FHIT: variants seen among roughly 807,000 people sequenced by gnomAD.
The protein encoded by FHIT is fragile histidine triad diadenosine triphosphatase, also known as bis(5'-adenosyl)-triphosphatase.
In FHIT, 19 loss-of-function variants were observed where a neutral mutation model predicts 17.9. The observed-to-expected ratio is 1.06, with a 90% CI of 0.74 to 1.56. The LOEUF is 1.56. FHIT is among the 40% of genes most tolerant of loss of function. FHIT has a pLI of 0.00. For synonymous variants in FHIT, 81 were observed against 69.7 expected, an observed-to-expected ratio of 1.16 and a Z score of -0.81; for missense variants, 248 against 189.2, an observed-to-expected ratio of 1.31 and a Z score of -1.82.
At chr3:61,111,701 C>G (rs1199326211) in intron 2 of FHIT, among the ~76,000 whole-genome samples, 1 of 152,156 alleles carries the variant, frequency 6.6e-6, no homozygotes, top group East Asian at 1.9e-4. Flanking sequence ...CCAGTTCAGC[C>G]TTGGTTGTCA....
At chr3:60,297,390 G>A (rs1708259835) in intron 5 of FHIT, among the ~76,000 whole-genome samples, 1 of 152,028 alleles carries the variant, frequency 6.6e-6, no homozygotes, top group Non-Finnish European at 1.5e-5. Flanking sequence ...ATTTTTGTGT[G>A]TGTGTAAAAG....
chr3:60,396,114 G>A (rs1299176598), intron 5 of FHIT, among the ~76,000 whole-genome samples: 2 of 152,110 alleles, frequency 1.3e-5, no homozygotes, highest in Non-Finnish European at 1.5e-5. Context: ...GACAGGTATT[G>A]TCACTCGCCA....
intron 5 of FHIT, among the ~76,000 whole-genome samples, chr3:60,097,942 C>G (rs983471959): frequency 2.7e-5 from 4 of 148,694 alleles, no homozygotes; most frequent in East Asian, 4.0e-4. Context: ...TCAATTCCCA[C>G]CTATGAGTGA....
chr3:60,743,227 G>A (rs1314907705), intron 4 of FHIT, among the ~76,000 whole-genome samples: 3 of 152,162 alleles, frequency 2.0e-5, no homozygotes, highest in Non-Finnish European at 4.4e-5. Context: ...CAGCTTCTAA[G>A]GTCATAATGC....
intron 5 of FHIT, among the ~76,000 whole-genome samples, chr3:60,277,434 G>T (rs533609309): frequency 2.1e-4 from 32 of 152,252 alleles, no homozygotes; most frequent in African/African-American, 7.7e-4. Context: ...CAGCAGTTGT[G>T]CCAATAAGAA....
At chr3:60,974,616 G>A (rs2107536807) in intron 3 of FHIT, among the ~76,000 whole-genome samples, 1 of 152,298 alleles carries the variant, frequency 6.6e-6, no homozygotes, top group East Asian at 1.9e-4. Flanking sequence ...CTGGAACCAA[G>A]AGTTCTTACT....
intron 2 of FHIT, among the ~76,000 whole-genome samples, chr3:61,143,895 G>C (rs2037156003): frequency 6.6e-6 from 1 of 152,052 alleles, no homozygotes; most frequent in East Asian, 1.9e-4. Context: ...CAAAACTGCA[G>C]ATCTGTTTTT....
chr3:60,464,641 C>G (rs930896181), intron 5 of FHIT, among the ~76,000 whole-genome samples: 1 of 152,132 alleles, frequency 6.6e-6, no homozygotes, highest in Non-Finnish European at 1.5e-5. Flanking sequence ...GCTTATTTCA[C>G]TTAACACAAT....
chr3:60,715,166 C>G (rs537511859), intron 4 of FHIT, among the ~76,000 whole-genome samples: 85 of 151,886 alleles, frequency 5.6e-4, no homozygotes, highest in African/African-American at 1.9e-3. Context: ...ACAAACCTGA[C>G]AAAAACAAGC....
At chr3:60,506,059 T>C (rs764638350) in intron 5 of FHIT, among the ~76,000 whole-genome samples, 18 of 152,202 alleles carry the variant, frequency 1.2e-4, no homozygotes, top group Non-Finnish European at 1.9e-4. Flanking sequence ...AGTCTTATTT[T>C]CTTTCAATTA....
rs116263448 is a variant in FHIT, at chr3:59,977,955, T to G, written c.279+33416A>C. On this transcript the variant is annotated intron_variant, in intron 7 of 9. Coordinates refer to ENST00000492590, the MANE Select transcript of FHIT (RefSeq NM_002012.4). Reference sequence around the variant, plus strand: ...CTCTTTCTTAGACGAAAGACAGTCATGAAGTTGTTTGTGAAGACTCTCATC... The same window carrying G: ...CTCTTTCTTAGACGAAAGACAGTCAGGAAGTTGTTTGTGAAGACTCTCATC... 5.5e-3 allele frequency among the ~76,000 whole-genome samples: 838 copies of G among 152,276 alleles called. 11 individuals carry two copies. Among genetic ancestry groups the G allele is most frequent in the African/African-American group, 0.019 (787 of 41,560 alleles).
At chr3:60,345,385 A>G (rs1222840499) in intron 5 of FHIT, among the ~76,000 whole-genome samples, 2 of 152,180 alleles carry the variant, frequency 1.3e-5, no homozygotes, top group African/African-American at 4.8e-5. Context: ...AGCCAGGAAT[A>G]AGCTTCTTTA....
At chr3:59,855,730 C>A (rs867654139) in intron 8 of FHIT, among the ~76,000 whole-genome samples, 1 of 149,194 alleles carries the variant, frequency 6.7e-6, no homozygotes, top group African/African-American at 2.4e-5. Flanking sequence ...TAGAAAAGAT[C>A]AAAAAAGTCA....
At chr3:60,884,872 C>T (rs1379388895) in intron 3 of FHIT, among the ~76,000 whole-genome samples, 1 of 142,918 alleles carries the variant, frequency 7.0e-6, no homozygotes, top group Non-Finnish European at 1.5e-5. Flanking sequence ...GCCATTTTAA[C>T]TTTACTCCAG....
At chr3:60,238,780 C>G (rs188392382) in intron 5 of FHIT, among the ~76,000 whole-genome samples, 1 of 152,178 alleles carries the variant, frequency 6.6e-6, no homozygotes, top group East Asian at 1.9e-4. Context: ...CATGCCAACC[C>G]TGTTTTTCTC....
At chr3:59,962,080 C>A (rs560732275) in intron 7 of FHIT, among the ~76,000 whole-genome samples, 1 of 152,130 alleles carries the variant, frequency 6.6e-6, no homozygotes, top group Admixed American at 6.6e-5. Flanking sequence ...AAATGAACAC[C>A]ATAGAGATGT....
intron 3 of FHIT, among the ~76,000 whole-genome samples, chr3:60,900,187 G>A (rs1553762860): frequency 6.6e-6 from 1 of 152,146 alleles, no homozygotes; most frequent in African/African-American, 2.4e-5. Context: ...TCTCCAACTT[G>A]GTCAAGAGGC....
intron 4 of FHIT, among the ~76,000 whole-genome samples, chr3:60,685,170 A>G (rs1444696604): frequency 1.3e-5 from 2 of 152,120 alleles, no homozygotes; most frequent in African/African-American, 2.4e-5. Flanking sequence ...TTCCTTTCCC[A>G]ATTCAGTACA....
chr3:60,592,492 C>G (rs777642125), intron 4 of FHIT, among the ~76,000 whole-genome samples: 3 of 152,044 alleles, frequency 2.0e-5, no homozygotes, highest in African/African-American at 7.2e-5. Context: ...GCACCGTGGT[C>G]ATCTAAAACC....
Sources: gnomAD v4.1 joint callset for allele counts (sites outside exome capture counted in the v4.1 genomes callset) on GRCh38, gnomAD v4.1.1 for gene constraint, MANE v1.5 for transcripts, NCBI Gene and HGNC (gene_info 2026-07-23, HGNC 2026-07-21) for gene names.